Variants in CTNNA3 observed in about 807,000 individuals in gnomAD.
CTNNA3 encodes the protein catenin alpha 3, also known as catenin alpha-3.
A neutral mutation model predicts 95.7 loss-of-function variants in CTNNA3; 76 were observed. The observed-to-expected ratio is 0.79, with a 90% CI of 0.66 to 0.96. The LOEUF (loss-of-function observed/expected upper bound fraction) is 0.96. Ranked by LOEUF, CTNNA3 falls within the 40% of genes least tolerant of loss-of-function variation. CTNNA3 has a pLI of 0.00. For synonymous variants in CTNNA3, 431 were observed against 374.4 expected (o/e 1.15, Z -1.74); for missense variants, 1,191 against 1,089.8 (o/e 1.09, Z -1.31).
chr10:65,967,041 C>T (rs2077984366), intron 16 of CTNNA3, among the ~76,000 whole-genome samples: 1 of 152,174 alleles, frequency 6.6e-6, no homozygotes, highest in Admixed American at 6.5e-5. Context: ...ACTGCAACCT[C>T]TGCCTCCCGG....
At chr10:67,662,846 T>A (rs1373112058) in intron 1 of CTNNA3, among the ~76,000 whole-genome samples, 1 of 152,222 alleles carries the variant, frequency 6.6e-6, no homozygotes, top group African/African-American at 2.4e-5. Context: ...GTGAATTTAA[T>A]ATGGTATATA....
At chr10:66,330,334 C>A (rs1055507089) in intron 12 of CTNNA3, among the ~76,000 whole-genome samples, 1 of 151,546 alleles carries the variant, frequency 6.6e-6, no homozygotes, top group African/African-American at 2.4e-5. Flanking sequence ...GTTTTTTGTC[C>A]TTGCCATAGT....
intron 11 of CTNNA3, among the ~76,000 whole-genome samples, chr10:66,516,003 C>G (rs567769071): frequency 3.7e-5 from 5 of 136,660 alleles, no homozygotes; most frequent in African/African-American, 1.4e-4. Flanking sequence ...CTGTCCCCTA[C>G]AGAAGATGCA....
chr10:66,765,771 T>A (rs1839822258), intron 9 of CTNNA3, among the ~76,000 whole-genome samples: 1 of 152,060 alleles, frequency 6.6e-6, no homozygotes, highest in African/African-American at 2.4e-5. Context: ...AGTTTTATGG[T>A]CTTCTTTTGC....
At chr10:67,461,040 C>G (rs1911293) in intron 5 of CTNNA3, among the ~76,000 whole-genome samples, 5,426 of 152,184 alleles carry the variant, frequency 0.036, 224 homozygotes, top group Admixed American at 0.12. Context: ...AGAATTTACA[C>G]TACTTGGATA....
chr10:66,606,874 C>A (rs1253616227), intron 10 of CTNNA3, among the ~76,000 whole-genome samples: 2 of 151,810 alleles, frequency 1.3e-5, no homozygotes, highest in Non-Finnish European at 2.9e-5. Context: ...AGTAGGGAAC[C>A]AACAGAAAAC....
intron 1 of CTNNA3, among the ~76,000 whole-genome samples, chr10:67,719,103 A>G (rs1190440813): frequency 6.6e-6 from 1 of 152,126 alleles, no homozygotes; most frequent in East Asian, 1.9e-4. Flanking sequence ...AGGTGTTTAC[A>G]GTATTCTCTG....
chr10:67,267,089 AT>A (rs1306962298), intron 5 of CTNNA3, among the ~76,000 whole-genome samples: 25 of 152,136 alleles, frequency 1.6e-4, no homozygotes, highest in African/African-American at 6.0e-4. Flanking sequence ...AGGGCTTTGG[AT>A]TTTATTTTAA....
chr10:66,356,779 C>A (rs530883836), intron 12 of CTNNA3, among the ~76,000 whole-genome samples: 2 of 151,758 alleles, frequency 1.3e-5, no homozygotes, highest in Admixed American at 1.3e-4. Context: ...TAGGAAAGTC[C>A]CTTTCTATTT....
chr10:66,650,700 C>G (rs1385417004), intron 9 of CTNNA3, among the ~76,000 whole-genome samples: 2 of 152,100 alleles, frequency 1.3e-5, no homozygotes, highest in Non-Finnish European at 2.9e-5. Context: ...TGCAGACCTT[C>G]CTGGTGAGTG....
intron 13 of CTNNA3, among the ~76,000 whole-genome samples, chr10:66,228,818 T>C (rs1278964240): frequency 6.6e-6 from 1 of 152,168 alleles, no homozygotes; most frequent in Admixed American, 6.5e-5. Flanking sequence ...TATATCTGTG[T>C]GCTCTGGTGT....
rs2093344410 is a variant in CTNNA3, at chr10:66,437,238, T to G, written c.1532-57886A>C. 2.0e-5 allele frequency among the ~76,000 whole-genome samples: 3 copies of G among 152,174 alleles called. No individual in the cohort carries two copies. The South Asian group carries it at 6.2e-4, about 31-fold the overall frequency. On this transcript the variant is annotated intron_variant, in intron 11 of 17. Transcript: ENST00000433211. ...TCCTAAATTTGAATGTTGGCCTGCC[T>G]TGCTAGGTTGGGGAAGTTCTCCTGG...
chr10:66,031,756 C>T (rs945274894), intron 15 of CTNNA3, among the ~76,000 whole-genome samples: 1 of 151,978 alleles, frequency 6.6e-6, no homozygotes, highest in African/African-American at 2.4e-5. Flanking sequence ...AATAACCTTG[C>T]AGAGTAAAAA....
chr10:66,475,126 T>G (rs569535113), intron 11 of CTNNA3, among the ~76,000 whole-genome samples: 1 of 152,118 alleles, frequency 6.6e-6, no homozygotes, highest in South Asian at 2.1e-4. Context: ...TGTCTGTGCT[T>G]TTGAATTCTT....
At chr10:67,287,969 T>C (rs1041153342) in intron 5 of CTNNA3, among the ~76,000 whole-genome samples, 1 of 152,200 alleles carries the variant, frequency 6.6e-6, no homozygotes, top group Non-Finnish European at 1.5e-5. Context: ...CTTCTCTAAT[T>C]GACACTGTTC....
At chr10:65,966,358 C>T (rs566162505) in intron 17 of CTNNA3, among the ~76,000 whole-genome samples, 1 of 152,118 alleles carries the variant, frequency 6.6e-6, no homozygotes, top group South Asian at 2.1e-4. Flanking sequence ...CATTTCTTAT[C>T]CAATTGGCTT....
intron 7 of CTNNA3, among the ~76,000 whole-genome samples, chr10:67,051,163 A>T (rs1855065909): frequency 6.6e-6 from 1 of 152,226 alleles, no homozygotes; most frequent in Non-Finnish European, 1.5e-5. Flanking sequence ...CCCTGGCAGG[A>T]ATGAGATCTC....
intron 9 of CTNNA3, among the ~76,000 whole-genome samples, chr10:66,763,341 C>CACACACAG (rs371974709): frequency 7.2e-6 from 1 of 139,104 alleles, no homozygotes; most frequent in African/African-American, 2.7e-5. Context: ...CACACACACA[C>CACACACAG]AGAGAGAGAG....
intron 7 of CTNNA3, among the ~76,000 whole-genome samples, chr10:66,940,459 G>T (rs574003487): frequency 6.6e-6 from 1 of 152,274 alleles, no homozygotes; most frequent in South Asian, 2.1e-4. Flanking sequence ...GAGCAACAGA[G>T]CAAGATCATG....
Sources: allele counts gnomAD v4.1 joint callset (sites outside exome capture counted in the v4.1 genomes callset), GRCh38; gene constraint gnomAD v4.1.1; transcripts MANE v1.5; gene names NCBI Gene and HGNC (gene_info 2026-07-23, HGNC 2026-07-21).